Variants in PHF21B observed in about 807,000 individuals in gnomAD.
PHF21B encodes the protein PHD finger protein 21B, also known as PHD finger protein 4.
Under a neutral mutation model 62.2 loss-of-function variants are expected in PHF21B, and 22 were observed. That is an observed-to-expected ratio of 0.35 (90% CI 0.25 to 0.51). PHF21B has a LOEUF of 0.51. PHF21B is among the 20% of genes least tolerant of loss of function. The pLI is 0.97. For synonymous variants in PHF21B, 341 were observed against 314.7 expected, an observed-to-expected ratio of 1.08 and a Z score of -0.88; for missense variants, 701 against 707.9, an observed-to-expected ratio of 0.99 and a Z score of 0.11.
Position 44,882,040 on chromosome 22 carries a change from G to A in PHF21B, c.*1046C>T, listed in dbSNP as rs2070749425. 6.5e-6 allele frequency: 1 copy of A among 152,760 alleles called. No homozygotes were observed. The highest frequency in any genetic ancestry group is 2.4e-5 in the African/African-American group (1 of 41,456). 9.5% of individuals were successfully genotyped at this position (152,760 alleles called of 1,614,324 possible). ...AAGCAGAGACTACTAGAAGCAGAAAGGAAGTCAGCCAGAGTCCCCCCAACC... is the reference window on the plus strand; with the variant it reads ...AAGCAGAGACTACTAGAAGCAGAAAAGAAGTCAGCCAGAGTCCCCCCAACC... On this transcript the variant is annotated 3_prime_UTR_variant, in exon 13 of 13. Coordinates refer to ENST00000313237, the MANE Select transcript of PHF21B (RefSeq NM_138415.5).
intron 2 of PHF21B, among the ~76,000 whole-genome samples, chr22:44,926,257 G>A (rs887946961): frequency 5.9e-5 from 9 of 152,316 alleles, no homozygotes; most frequent in African/African-American, 1.9e-4. Flanking sequence ...TTCTGTGGCG[G>A]GAAGGCCCAC....
At chr22:44,884,439 A>C (rs1243255260) in intron 12 of PHF21B, among the ~76,000 whole-genome samples, 2 of 120,670 alleles carry the variant, frequency 1.7e-5, no homozygotes, top group South Asian at 6.6e-4. Flanking sequence ...CATTATCACC[A>C]CCACCACCAT....
intron 4 of PHF21B, 88 bp from the exon 5 acceptor site, chr22:44,914,176 G>A (rs931532232): frequency 5.0e-6 from 3 of 595,346 alleles, no homozygotes; most frequent in Non-Finnish European, 9.0e-6. Context: ...GCAGGGGTTG[G>A]GGAGCACAGA....
intron 2 of PHF21B, among the ~76,000 whole-genome samples, chr22:44,934,568 T>A (rs2071807830): frequency 1.3e-5 from 2 of 152,022 alleles, no homozygotes; most frequent in Admixed American, 1.3e-4. Context: ...CGGGCAGGTG[T>A]CAGCACATGG....
intron 6 of PHF21B, 106 bp downstream of exon 6, chr22:44,895,926 C>T (rs913227625): frequency 9.0e-6 from 11 of 1,223,930 alleles, no homozygotes; most frequent in Admixed American, 3.4e-5. Flanking sequence ...CCACCCATAT[C>T]GGCTGCTGCT....
At chr22:44,991,061 G>A (rs536816368) in intron 2 of PHF21B, among the ~76,000 whole-genome samples, 2 of 152,300 alleles carry the variant, frequency 1.3e-5, no homozygotes, top group East Asian at 3.9e-4. Context: ...GCTGTCACGA[G>A]GGTGCCGTCC....
chr22:44,915,569 G>C (rs115097124), intron 4 of PHF21B, among the ~76,000 whole-genome samples: 27 of 152,328 alleles, frequency 1.8e-4, no homozygotes, highest in African/African-American at 5.8e-4. Context: ...GGAAGCACAG[G>C]ACTCCCGGGA....
chr22:44,995,818 C>A (rs1042819292), intron 2 of PHF21B, among the ~76,000 whole-genome samples: 1 of 150,816 alleles, frequency 6.6e-6, no homozygotes, highest in African/African-American at 2.4e-5. Flanking sequence ...CCCATCCCCC[C>A]ACGTGATTCG....
At chr22:45,005,294 G>T (rs1000382700) in intron 2 of PHF21B, among the ~76,000 whole-genome samples, 8 of 152,154 alleles carry the variant, frequency 5.3e-5, no homozygotes, top group African/African-American at 1.4e-4. Flanking sequence ...AGCCACACCT[G>T]GGAAGGCAGC....
chr22:44,885,605 A>T, intron 11 of PHF21B, 76 bp from the exon 12 acceptor site: 1 of 1,399,058 alleles, frequency 7.1e-7, no homozygotes, highest in Non-Finnish European at 9.7e-7. Flanking sequence ...TGGGAGAGGC[A>T]GAAGGGATGA....
chr22:44,995,727 C>T (rs1285759621), intron 2 of PHF21B, among the ~76,000 whole-genome samples: 5 of 152,034 alleles, frequency 3.3e-5, no homozygotes, highest in Admixed American at 6.6e-5. Flanking sequence ...TATGTCGGCA[C>T]CTTCCGAGAT....
At chr22:44,931,803 A>G (rs1008119921) in intron 2 of PHF21B, among the ~76,000 whole-genome samples, 21 of 152,298 alleles carry the variant, frequency 1.4e-4, no homozygotes, top group African/African-American at 4.8e-4. Context: ...CCACTTCTGC[A>G]TCTACTCAAC....
At chr22:45,008,819 G>A (rs1427942637) in intron 1 of PHF21B, 2 of 1,184,436 alleles carry the variant, frequency 1.7e-6, no homozygotes, top group African/African-American at 1.6e-5. Context: ...CATCGGGGCA[G>A]CTCGCGGGGC....
intron 2 of PHF21B, among the ~76,000 whole-genome samples, chr22:44,959,990 A>G (rs2072384898): frequency 6.6e-6 from 1 of 152,222 alleles, no homozygotes; most frequent in South Asian, 2.1e-4. Context: ...TCTCCACCCC[A>G]GAGAGCGGGC....
At chr22:44,884,174 CACCATCATT>C (rs1446558789) in intron 12 of PHF21B, among the ~76,000 whole-genome samples, 1 of 151,102 alleles carries the variant, frequency 6.6e-6, no homozygotes. Flanking sequence ...GCACCATCAC[CACCATCATT>C]ACCACCATCA....
chr22:44,994,517 C>G lies in PHF21B; in HGVS notation c.120+14028G>C, dbSNP rs73892228. Among the ~76,000 whole-genome samples the G allele has an allele frequency of 5.0e-3, 757 of 152,362 alleles. 6 individuals carry two copies. The highest frequency in any genetic ancestry group is 0.018 in the African/African-American group (729 of 41,590). On this transcript the variant is annotated intron_variant, in intron 2 of 12. Transcript: ENST00000313237. ...CTGCTGACACTTTCCTTTCAGACTT[C>G]TGGCCTCCAGAACTGTGAGAGAATG...
At chr22:44,999,068 T>C (rs940396642) in intron 2 of PHF21B, among the ~76,000 whole-genome samples, 7 of 152,102 alleles carry the variant, frequency 4.6e-5, no homozygotes, top group African/African-American at 7.2e-5. Flanking sequence ...AAAAACCGTA[T>C]AGTACGGCCC....
intron 9 of PHF21B, 115 bp from the exon 10 acceptor site, chr22:44,888,236 CCAA>C (rs1454412396): frequency 8.6e-7 from 1 of 1,159,636 alleles, no homozygotes; most frequent in Non-Finnish European, 1.2e-6. Context: ...CGCTCTTCTG[CCAA>C]CGTTTCCCAG....
chr22:44,973,970 G>T (rs1442517148), intron 2 of PHF21B, among the ~76,000 whole-genome samples: 1 of 152,180 alleles, frequency 6.6e-6, no homozygotes, highest in Non-Finnish European at 1.5e-5. Flanking sequence ...AACACTAGGG[G>T]CGTAGTTTTT....
Sources: gnomAD v4.1 joint callset for allele counts (sites outside exome capture counted in the v4.1 genomes callset) on GRCh38, gnomAD v4.1.1 for gene constraint, MANE v1.5 for transcripts, NCBI Gene and HGNC (gene_info 2026-07-23, HGNC 2026-07-21) for gene names.